FSTL4: variants seen among roughly 807,000 people sequenced by gnomAD.
FSTL4 encodes follistatin-related protein 4.
FSTL4 carries 28 observed loss-of-function variants against 78.2 expected under a neutral mutation model. The ratio of observed to expected loss-of-function variants is 0.36; its 90% CI spans 0.27 to 0.49. FSTL4 has a LOEUF of 0.49. Ranked by LOEUF, FSTL4 falls within the 20% of genes least tolerant of loss-of-function variation. The probability of loss-of-function intolerance (pLI) is 0.98; values close to 1 mark genes in which losing one functional copy is unlikely to be tolerated. For missense variants in FSTL4, 922 were observed against 1,084.9 expected, an observed-to-expected ratio of 0.85 and a Z score of 2.11; for synonymous variants, 422 against 440.5, an observed-to-expected ratio of 0.96 and a Z score of 0.53.
intron 7 of FSTL4, among the ~76,000 whole-genome samples, chr5:133,239,418 G>A (rs1329774893): frequency 6.6e-6 from 1 of 152,208 alleles, no homozygotes; most frequent in African/African-American, 2.4e-5. Context: ...AAGCCAGCTG[G>A]GCTCCTGAGT....
At chr5:133,603,620 G>A (rs1014136132) in intron 2 of FSTL4, among the ~76,000 whole-genome samples, 1 of 152,134 alleles carries the variant, frequency 6.6e-6, no homozygotes, top group South Asian at 2.1e-4. Flanking sequence ...TTCAAGCTTG[G>A]TTTCGGAATA....
rs1319321545 is a variant in FSTL4 at position 133,196,622 on chromosome 5, G to GC, written c.*2472dup. 6.6e-6 allele frequency: 1 copy of GC among 152,130 alleles called. No individual in the cohort carries two copies. Among genetic ancestry groups the GC allele is most frequent in the African/African-American group, 2.4e-5 (1 of 41,420 alleles). The allele number at this position is 152,130 out of a possible 1,614,324, so 9.4% of individuals were successfully genotyped here. ...TTACCGGCTGGGCTTGCTACAGGAG[G>GC]CCCCCCTGTAGTGAGGCATTTCCTC... is the stretch of plus-strand genomic sequence containing the variant. On this transcript the variant is annotated 3_prime_UTR_variant, in exon 16 of 16. Coordinates refer to ENST00000265342, the MANE Select transcript of FSTL4 (RefSeq NM_015082.2).
intron 6 of FSTL4, among the ~76,000 whole-genome samples, chr5:133,281,308 A>T (rs762307819): frequency 3.7e-4 from 56 of 151,964 alleles, no homozygotes; most frequent in Non-Finnish European, 6.0e-4. Context: ...GTTGCCTGAA[A>T]CCCTTTTCCT....
chr5:133,331,398 G>A (rs1424212640), intron 4 of FSTL4, among the ~76,000 whole-genome samples: 2 of 152,182 alleles, frequency 1.3e-5, no homozygotes, highest in Non-Finnish European at 2.9e-5. Context: ...GTCCTCTGAT[G>A]TGAGGGGTGC....
At position 133,199,367 on chromosome 5, in the gene FSTL4, C is replaced by T. The variant is rs768871164; in HGVS notation, c.2257G>A (p.Ala753Thr). The stretch of plus-strand genomic sequence containing the variant: ...AGGTCCGGCTCCGTGTGCAGAGCCG[C>T]GTAGATGTTGTATTGATTGCTTTCA... ...FTESNQYNIY[A>T]ALHTEPDLLF... is the part of the protein sequence containing the mutation. Residue 753 changes from alanine (A) to threonine (T), a missense_variant, in exon 16 of 16, where the codon GCG (alanine) becomes ACG (threonine). Coordinates refer to ENST00000265342, the MANE Select transcript of FSTL4 (RefSeq NM_015082.2). This position sits in a 1 kb window ranked among gnomAD's most constrained non-coding sequence, Gnocchi z 4.4. The T allele has an allele frequency of 1.2e-5, 19 of 1,613,974 alleles. No individual in the cohort carries two copies. Among genetic ancestry groups the T allele is most frequent in the African/African-American group, 8.0e-5 (6 of 74,906 alleles).
At chr5:133,822,474 A>G in the FSTL4 span, among the ~76,000 whole-genome samples, 2 of 152,182 alleles carry the variant, frequency 1.3e-5, no homozygotes, top group Admixed American at 1.3e-4. Flanking sequence ...TCTGAAATCC[A>G]ATTAAAATCA....
intron 4 of FSTL4, among the ~76,000 whole-genome samples, chr5:133,375,099 CT>C (rs1417291649): frequency 6.6e-6 from 1 of 151,346 alleles, no homozygotes; most frequent in Non-Finnish European, 1.5e-5. Flanking sequence ...GGTGCATAAC[CT>C]GGTTGGCAGT....
intron 3 of FSTL4, among the ~76,000 whole-genome samples, chr5:133,423,519 C>G (rs1756742375): frequency 1.3e-5 from 2 of 152,184 alleles, no homozygotes; most frequent in Non-Finnish European, 1.5e-5. Flanking sequence ...AGGAGTTAGC[C>G]CCTGCTACAG....
chr5:133,360,755 G>A (rs17628258), intron 4 of FSTL4, among the ~76,000 whole-genome samples: 2,313 of 152,214 alleles, frequency 0.015, 23 homozygotes, highest in Non-Finnish European at 0.025. Context: ...AGTTAAGAGC[G>A]GCAATGCATT....
At chr5:133,660,577 C>T in the FSTL4 span, among the ~76,000 whole-genome samples, 1 of 152,140 alleles carries the variant, frequency 6.6e-6, no homozygotes, top group African/African-American at 2.4e-5. Flanking sequence ...GTGTCTACAG[C>T]CTACAGAGAA....
chr5:133,600,921 C>T (rs929206724), intron 2 of FSTL4, among the ~76,000 whole-genome samples: 7 of 152,200 alleles, frequency 4.6e-5, no homozygotes, highest in African/African-American at 1.7e-4. Context: ...GGTTTTGATT[C>T]TTCCAGGAAA....
At chr5:133,282,007 G>A (rs1240233092) in intron 6 of FSTL4, among the ~76,000 whole-genome samples, 3 of 152,132 alleles carry the variant, frequency 2.0e-5, no homozygotes, top group Non-Finnish European at 2.9e-5. Flanking sequence ...TGTTTTCCCC[G>A]AAGCATGAAT....
Position 133,462,334 on chromosome 5 carries a change from T to A in FSTL4, c.161-61348A>T, listed in dbSNP as rs57959709. The stretch of plus-strand genomic sequence containing the variant: ...CTCCCTCTCCCCACACCCTGGAGAA[T>A]TCCTAGGAAATATGCCAAGCTCTGT... On this transcript the variant is annotated intron_variant, in intron 3 of 15. Coordinates refer to ENST00000265342, the MANE Select transcript of FSTL4 (RefSeq NM_015082.2). Among the ~76,000 whole-genome samples the A allele has an allele frequency of 3.3e-5, 5 of 152,240 alleles. No homozygotes were observed. The South Asian group carries it at 1.0e-3, about 32-fold the overall frequency.
the FSTL4 span, among the ~76,000 whole-genome samples, chr5:133,768,199 C>A: frequency 6.6e-6 from 1 of 152,208 alleles, no homozygotes; most frequent in Non-Finnish European, 1.5e-5. Context: ...CAGAATGGAG[C>A]AGGGAGTGTA....
chr5:133,405,080 T>A (rs866884831), intron 3 of FSTL4, among the ~76,000 whole-genome samples: 2 of 152,182 alleles, frequency 1.3e-5, no homozygotes, highest in African/African-American at 4.8e-5. Context: ...GACAGCCCTG[T>A]CTCTCCTGAC....
intron 6 of FSTL4, among the ~76,000 whole-genome samples, chr5:133,272,057 C>A (rs1752779749): frequency 6.6e-6 from 1 of 152,160 alleles, no homozygotes; most frequent in South Asian, 2.1e-4. Flanking sequence ...TCATGGTACG[C>A]AACAGTTCCA....
At chr5:133,446,447 C>T (rs1160082231) in intron 3 of FSTL4, among the ~76,000 whole-genome samples, 1 of 152,158 alleles carries the variant, frequency 6.6e-6, no homozygotes, top group Non-Finnish European at 1.5e-5. Context: ...ACAACAACAA[C>T]CCCTCACGCT....
chr5:133,672,111 T>C, the FSTL4 span, among the ~76,000 whole-genome samples: 1 of 152,266 alleles, frequency 6.6e-6, no homozygotes, highest in Non-Finnish European at 1.5e-5. Context: ...GTTAATATCC[T>C]GGTTCTCCTT....
chr5:133,622,872 C>T, the FSTL4 span, among the ~76,000 whole-genome samples: 11,384 of 152,126 alleles, frequency 0.075, 444 homozygotes, highest in South Asian at 0.17. Context: ...AATCACTTAA[C>T]GGGTCTTCTG....
Sources: allele counts gnomAD v4.1 joint callset (sites outside exome capture counted in the v4.1 genomes callset), GRCh38; gene constraint gnomAD v4.1.1; non-coding constraint Gnocchi (gnomAD v3.1); transcripts MANE v1.5; gene names NCBI Gene and HGNC (gene_info 2026-07-23, HGNC 2026-07-21).